The following THEMIS variants were observed in gnomAD, a reference collection of about 807,000 sequenced individuals.
THEMIS encodes the protein thymocyte selection associated.
A neutral mutation model predicts 52.6 loss-of-function variants in THEMIS; 37 were observed. That is an observed-to-expected ratio of 0.70 (90% confidence interval 0.54 to 0.93). The LOEUF (loss-of-function observed/expected upper bound fraction) is 0.93, where lower values mean the gene tolerates loss of function less well. Ranked by LOEUF, THEMIS falls within the 40% of genes least tolerant of loss-of-function variation. The pLI, the probability that THEMIS is intolerant of heterozygous loss-of-function variation, is 0.00. For synonymous variants in THEMIS, 292 were observed against 272.7 expected (o/e 1.07, Z -0.70); for missense variants, 808 against 763.1 (o/e 1.06, Z -0.69).
intron 4 of THEMIS, among the ~76,000 whole-genome samples, chr6:127,720,918 C>T (rs1774340848): frequency 6.6e-6 from 1 of 151,832 alleles, no homozygotes; most frequent in Admixed American, 6.6e-5. Flanking sequence ...TATGGATAGC[C>T]CTCATTCTTC....
intron 1 of THEMIS, among the ~76,000 whole-genome samples, chr6:127,870,148 A>G (rs1172588042): frequency 6.6e-6 from 1 of 152,182 alleles, no homozygotes; most frequent in African/African-American, 2.4e-5. Flanking sequence ...CACTGAGGTG[A>G]TGTCAGAGGA....
At chr6:127,795,381 T>A (rs191497597) in intron 4 of THEMIS, among the ~76,000 whole-genome samples, 1 of 152,300 alleles carries the variant, frequency 6.6e-6, no homozygotes, top group Non-Finnish European at 1.5e-5. Flanking sequence ...CAGGCTGGAG[T>A]GCAGTGGCAC....
chr6:127,711,424 T>A (rs546732), intron 5 of THEMIS, among the ~76,000 whole-genome samples: 71,348 of 151,752 alleles, frequency 0.47, 18,037 homozygotes, highest in Non-Finnish European at 0.58. Flanking sequence ...TCCACATACC[T>A]TGGTAATTTC....
intron 4 of THEMIS, among the ~76,000 whole-genome samples, chr6:127,723,164 C>A (rs551470728): frequency 1.2e-4 from 18 of 152,162 alleles, no homozygotes; most frequent in African/African-American, 4.3e-4. Flanking sequence ...ATCTGAGATC[C>A]ACTGATCCCT....
chr6:127,732,908 T>C (rs776403357), intron 4 of THEMIS, among the ~76,000 whole-genome samples: 67 of 152,306 alleles, frequency 4.4e-4, no homozygotes, highest in Non-Finnish European at 7.9e-4. Flanking sequence ...ACAGCTATAG[T>C]AGAGCCTGCA....
At chr6:127,865,701 T>C (rs534053928) in intron 1 of THEMIS, among the ~76,000 whole-genome samples, 4 of 152,284 alleles carry the variant, frequency 2.6e-5, no homozygotes, top group African/African-American at 9.6e-5. Context: ...AATTGATCTA[T>C]GCCTTGTAGA....
At chr6:127,898,774 A>C (rs1258678147) in intron 1 of THEMIS, among the ~76,000 whole-genome samples, 1 of 151,990 alleles carries the variant, frequency 6.6e-6, no homozygotes, top group African/African-American at 2.4e-5. Flanking sequence ...AAAATGTGGA[A>C]TATTATTCAG....
At chr6:127,762,052 C>T (rs374158698) in intron 4 of THEMIS, among the ~76,000 whole-genome samples, 14 of 152,030 alleles carry the variant, frequency 9.2e-5, no homozygotes, top group Non-Finnish European at 2.1e-4. Flanking sequence ...GCTATACATA[C>T]AAGGGGATAC....
downstream of THEMIS, among the ~76,000 whole-genome samples, chr6:127,706,146 A>G (rs1476322129): frequency 6.6e-6 from 1 of 152,130 alleles, no homozygotes; most frequent in Non-Finnish European, 1.5e-5. Context: ...AAACTCAAAG[A>G]AGAAAAGATG....
intron 1 of THEMIS, among the ~76,000 whole-genome samples, chr6:127,889,327 G>T (rs563818977): frequency 2.0e-5 from 3 of 152,238 alleles, no homozygotes; most frequent in African/African-American, 7.2e-5. Flanking sequence ...AAGTGGAATA[G>T]ATGAACACCA....
At chr6:127,821,136 A>C (rs1778325042) in intron 3 of THEMIS, among the ~76,000 whole-genome samples, 1 of 151,692 alleles carries the variant, frequency 6.6e-6, no homozygotes, top group Non-Finnish European at 1.5e-5. Context: ...ATTGTGGTAT[A>C]TATAGCTCTA....
chr6:127,780,586 G>A (rs1776709683), intron 4 of THEMIS, among the ~76,000 whole-genome samples: 1 of 152,108 alleles, frequency 6.6e-6, no homozygotes, highest in Admixed American at 6.5e-5. Context: ...TGTAAGGCAG[G>A]CCTGGTGGTG....
At chr6:127,891,405 G>A (rs1233823801) in intron 1 of THEMIS, among the ~76,000 whole-genome samples, 4 of 151,624 alleles carry the variant, frequency 2.6e-5, no homozygotes, top group Admixed American at 2.0e-4. Context: ...GCCTGGTGGC[G>A]GGCACCTGTA....
At chr6:127,844,547 T>G (rs1703695253) in intron 2 of THEMIS, among the ~76,000 whole-genome samples, 1 of 151,840 alleles carries the variant, frequency 6.6e-6, no homozygotes, top group African/African-American at 2.4e-5. Context: ...CAGTCTTCCT[T>G]CACCATATCA....
At chr6:127,750,542 T>C (rs865992686) in intron 4 of THEMIS, among the ~76,000 whole-genome samples, 2 of 151,872 alleles carry the variant, frequency 1.3e-5, no homozygotes, top group South Asian at 4.1e-4. Context: ...AGAGCTATTT[T>C]TTTTAGTAAA....
At chr6:127,725,465 T>C (rs1287141264) in intron 4 of THEMIS, among the ~76,000 whole-genome samples, 2 of 152,064 alleles carry the variant, frequency 1.3e-5, no homozygotes, top group African/African-American at 2.4e-5. Flanking sequence ...TGTGTGTGTC[T>C]GTGAGTGTGT....
At chr6:127,824,924 C>CAAAA (rs1233558325) in intron 3 of THEMIS, among the ~76,000 whole-genome samples, 1 of 116,312 alleles carries the variant, frequency 8.6e-6, no homozygotes, top group Admixed American at 8.0e-5. Context: ...GACTCCGTCT[C>CAAAA]AAAACAAACA....
intron 1 of THEMIS, among the ~76,000 whole-genome samples, chr6:127,912,840 G>C (rs1282412625): frequency 1.3e-5 from 2 of 152,112 alleles, no homozygotes; most frequent in African/African-American, 2.4e-5. Context: ...TTTTATAATA[G>C]TGCCTGTAGG....
chr6:127,708,053 C>T (rs1280879386), downstream of THEMIS: 4 of 151,770 alleles, frequency 2.6e-5, no homozygotes, highest in African/African-American at 4.9e-5. Flanking sequence ...GCAGGGAGGA[C>T]AATCTCCCTC....
Sources: allele counts gnomAD v4.1 joint callset (sites outside exome capture counted in the v4.1 genomes callset), GRCh38; gene constraint gnomAD v4.1.1; transcripts MANE v1.5; gene names NCBI Gene and HGNC (gene_info 2026-07-23, HGNC 2026-07-21).